GPC5: variants seen among roughly 807,000 people sequenced by gnomAD.
The protein encoded by GPC5 is glypican 5.
In GPC5, 47 loss-of-function variants were observed where a neutral mutation model predicts 53.9. The observed-to-expected ratio is 0.87, with a 90% CI of 0.69 to 1.11. GPC5 has a LOEUF of 1.11. Ranked by LOEUF, GPC5 falls within the 50% of genes most tolerant of loss-of-function variation. GPC5 has a pLI of 0.00. For missense variants in GPC5, 748 were observed against 713.1 expected (o/e 1.05, Z -0.56); for synonymous variants, 286 against 263.3 (o/e 1.09, Z -0.84).
At chr13:91,507,539 A>G (rs1437165278) in intron 2 of GPC5, among the ~76,000 whole-genome samples, 1 of 152,174 alleles carries the variant, frequency 6.6e-6, no homozygotes, top group Non-Finnish European at 1.5e-5. Flanking sequence ...CCCATTCACT[A>G]TCACAAGAAC....
chr13:92,557,702 T>A (rs1335067899), intron 7 of GPC5, among the ~76,000 whole-genome samples: 1 of 151,960 alleles, frequency 6.6e-6, no homozygotes, highest in African/African-American at 2.4e-5. Context: ...CATATACAGG[T>A]GGATAAGTCA....
intron 3 of GPC5, chr13:91,725,297 A>C (rs1224723639): frequency 6.6e-6 from 1 of 152,204 alleles, no homozygotes; most frequent in Admixed American, 6.5e-5. Context: ...AATGGTAGAG[A>C]CCAGGGAGGA....
chr13:92,472,302 T>C (rs892336585), intron 7 of GPC5, among the ~76,000 whole-genome samples: 1 of 152,144 alleles, frequency 6.6e-6, no homozygotes, highest in African/African-American at 2.4e-5. Context: ...TTAATCTCTT[T>C]CCACTTTGCT....
At chr13:91,999,309 C>T (rs1005432805) in intron 6 of GPC5, among the ~76,000 whole-genome samples, 3 of 152,046 alleles carry the variant, frequency 2.0e-5, no homozygotes, top group Admixed American at 1.3e-4. Flanking sequence ...CCTCTAAACA[C>T]ATTCAAATTC....
chr13:91,898,914 G>A (rs1391260624), intron 5 of GPC5, among the ~76,000 whole-genome samples: 1 of 152,122 alleles, frequency 6.6e-6, no homozygotes, highest in African/African-American at 2.4e-5. Flanking sequence ...CAGAAGAGCT[G>A]AATTATTTCT....
At chr13:92,307,860 C>T (rs752021624) in intron 7 of GPC5, among the ~76,000 whole-genome samples, 1 of 152,184 alleles carries the variant, frequency 6.6e-6, no homozygotes, top group Non-Finnish European at 1.5e-5. Context: ...AAATTACTTG[C>T]CCCCTTTTCT....
In GPC5 at chr13:92,866,283, G is replaced by A. The variant is rs763208703; in HGVS notation, c.1563G>A (p.Trp521Ter). ...GTGCTTTCTTATTTGCCTCTACAGG[G>A]ATGCCAGATGATATGAACTTCAGTG... The part of the protein sequence containing the change: ...EVKRTLKITD[W>*]MPDDMNFSDV... The change falls in exon 8 of 8, where the codon TGG (tryptophan) becomes TGA (stop). Residue 521 changes from tryptophan (W) to a stop codon, truncating the protein, a stop_gained and splice_region_variant. Transcript: ENST00000377067. LOFTEE classifies it low-confidence loss of function (END_TRUNC). 3 of 1,609,050 alleles carry A rather than the reference G, an allele frequency of 1.9e-6. No individual in the cohort carries two copies. The highest frequency in any genetic ancestry group is 2.5e-6 in the Non-Finnish European group (3 of 1,176,902).
chr13:92,672,702 A>C (rs1886792217), intron 7 of GPC5, among the ~76,000 whole-genome samples: 1 of 152,230 alleles, frequency 6.6e-6, no homozygotes, highest in African/African-American at 2.4e-5. Context: ...CTATGCAGCT[A>C]TAAAAAGGAA....
chr13:92,864,178 G>A (rs964657297), intron 7 of GPC5, among the ~76,000 whole-genome samples: 1 of 151,988 alleles, frequency 6.6e-6, no homozygotes, highest in Non-Finnish European at 1.5e-5. Context: ...CCATAACTAC[G>A]GCCATGACTG....
At chr13:91,737,109 A>G (rs2036833709) in intron 4 of GPC5, among the ~76,000 whole-genome samples, 1 of 151,342 alleles carries the variant, frequency 6.6e-6, no homozygotes. Flanking sequence ...GTCTCAGATT[A>G]CTTTTTAAAA....
intron 4 of GPC5, among the ~76,000 whole-genome samples, chr13:91,753,420 C>T (rs1263212743): frequency 6.6e-6 from 1 of 152,154 alleles, no homozygotes; most frequent in East Asian, 1.9e-4. Flanking sequence ...AACACTCTTA[C>T]TTTAACCTGT....
At chr13:92,527,260 AAAGAAAGAAAGAAAGAAAG>A (rs1881393124) in intron 7 of GPC5, among the ~76,000 whole-genome samples, 1 of 130,530 alleles carries the variant, frequency 7.7e-6, no homozygotes, top group Non-Finnish European at 1.5e-5. Context: ...AGAAAGAAAG[AAAGAAAGAAAGAAAGAAAG>A]AAAAAGATCA....
intron 7 of GPC5, among the ~76,000 whole-genome samples, chr13:92,242,538 A>AT (rs1165001688): frequency 1.3e-5 from 2 of 152,038 alleles, no homozygotes; most frequent in Non-Finnish European, 1.5e-5. Flanking sequence ...TTCAAGGTTC[A>AT]TTTTTTATAT....
At chr13:92,565,130 C>A (rs183252028) in intron 7 of GPC5, among the ~76,000 whole-genome samples, 26 of 152,020 alleles carry the variant, frequency 1.7e-4, no homozygotes, top group African/African-American at 5.8e-4. Flanking sequence ...AAGTATTTGT[C>A]AATTAAGCAT....
At chr13:91,502,557 C>A (rs1387447278) in intron 2 of GPC5, among the ~76,000 whole-genome samples, 1 of 152,068 alleles carries the variant, frequency 6.6e-6, no homozygotes, top group Non-Finnish European at 1.5e-5. Context: ...CCTGGCAGGG[C>A]AGGGTTAGAA....
chr13:92,498,054 C>T (rs1880041801), intron 7 of GPC5, among the ~76,000 whole-genome samples: 1 of 152,060 alleles, frequency 6.6e-6, no homozygotes, highest in African/African-American at 2.4e-5. Flanking sequence ...AATTTGACTT[C>T]CTCTCTTCCT....
intron 6 of GPC5, among the ~76,000 whole-genome samples, chr13:92,129,067 C>A (rs1021519926): frequency 6.6e-6 from 1 of 152,182 alleles, no homozygotes; most frequent in Non-Finnish European, 1.5e-5. Context: ...GGCCAACCCC[C>A]TTGTTCAACA....
intron 1 of GPC5, among the ~76,000 whole-genome samples, chr13:91,439,371 T>A (rs1053407911): frequency 1.3e-5 from 2 of 152,224 alleles, no homozygotes; most frequent in African/African-American, 4.8e-5. Flanking sequence ...GTATAAATAG[T>A]GCTGAAATTG....
At chr13:92,628,260 C>CTTTTTTTT (rs1286424637) in intron 7 of GPC5, among the ~76,000 whole-genome samples, 1 of 37,540 alleles carries the variant, frequency 2.7e-5, no homozygotes, top group Admixed American at 2.9e-4. Context: ...TTTTCTTTTT[C>CTTTTTTTT]TTTCTTTTTT....
Sources: allele counts gnomAD v4.1 joint callset (sites outside exome capture counted in the v4.1 genomes callset), GRCh38; gene constraint gnomAD v4.1.1; transcripts MANE v1.5; gene names NCBI Gene and HGNC (gene_info 2026-07-23, HGNC 2026-07-21).